DDX6: variants seen among roughly 807,000 people sequenced by gnomAD.
The protein encoded by DDX6 is DEAD-box helicase 6.
In DDX6, 7 loss-of-function variants were observed where a neutral mutation model predicts 60.6. That is an observed-to-expected ratio of 0.12 (90% CI 0.07 to 0.22). The LOEUF is 0.22. Among genes scored for constraint, DDX6 ranks in the 10% least tolerant of loss-of-function variants. The probability of loss-of-function intolerance (pLI) is 1.00; values close to 1 mark genes in which losing one functional copy is unlikely to be tolerated. For synonymous variants in DDX6, 207 were observed against 201.0 expected, an observed-to-expected ratio of 1.03 and a Z score of -0.25; for missense variants, 270 against 589.9, an observed-to-expected ratio of 0.46 and a Z score of 5.62.
intron 3 of DDX6, 59 bp downstream of exon 3, chr11:118,781,062 G>A: frequency 2.5e-6 from 3 of 1,182,584 alleles, no homozygotes; most frequent in Non-Finnish European, 3.7e-6. Flanking sequence ...CCGAGGGACA[G>A]CTATACCTCA....
At chr11:118,765,028 A>T (rs1003704107) in intron 6 of DDX6, among the ~76,000 whole-genome samples, 181 bp downstream of exon 6, 19 of 152,162 alleles carry the variant, frequency 1.2e-4, no homozygotes, top group African/African-American at 4.3e-4. Context: ...TTACTAATAA[A>T]GTCAAATATC....
At chr11:118,759,012 G>A in intron 8 of DDX6, 110 bp from the exon 9 acceptor site, 1 of 1,389,982 alleles carries the variant, frequency 7.2e-7, no homozygotes, top group Non-Finnish European at 9.8e-7. Context: ...CTTGCTGTAA[G>A]GGACGCAACT....
rs201178025 is a variant in DDX6 at position 118,776,000 on chromosome 11, AACC to A, written c.369+3629_369+3631del. 4.9e-3 allele frequency among the ~76,000 whole-genome samples: 748 copies of A among 152,154 alleles called. 8 individuals are homozygous for A. Among genetic ancestry groups the A allele is most frequent in the Middle Eastern group, 0.027 (8 of 294 alleles). On this transcript the variant is annotated intron_variant, in intron 4 of 13. Transcript: ENST00000534980. ...AAAAACAAAAACAAAAACAAAAAACAACCAGGTGTGCTGGTACTACACTATCAT... is the reference window on the plus strand; with the variant it reads ...AAAAACAAAAACAAAAACAAAAAACAAGGTGTGCTGGTACTACACTATCAT...
Position 118,763,770 on chromosome 11 carries a change from G to A in DDX6, c.647-464C>T, listed in dbSNP as rs546361310. 3.1e-4 allele frequency among the ~76,000 whole-genome samples: 46 copies of A among 148,706 alleles called. 1 individual carries two copies. The South Asian group carries it at 9.4e-3, about 30-fold the overall frequency. Reference sequence around the variant, plus strand: ...AATCGCTTGAACCCAGGAGGCAGACGTTGCAGTGAGCCGAGATCACACCAC... The same window carrying A: ...AATCGCTTGAACCCAGGAGGCAGACATTGCAGTGAGCCGAGATCACACCAC... On this transcript the variant is annotated intron_variant, in intron 6 of 13. Transcript: ENST00000534980.
rs1555156627 is a variant in DDX6 at position 118,749,355 on chromosome 11, AAAG to A, written c.*2747_*2749del. 3.6e-4 allele frequency: 39 copies of A among 108,626 alleles called. No homozygotes were observed. The East Asian group carries it at 8.6e-3, about 24-fold the overall frequency. 6.7% of individuals were successfully genotyped at this position (108,626 alleles called of 1,614,324 possible). A position where few individuals can be genotyped will look rare whatever the true frequency, so the allele number is the denominator to read the frequency against. ...TGCTTATTATGAGGGCCCAAAAAAG[AAAG>A]AAAAAAAAAAAAAAAAAAAAAAAGA... On this transcript the variant is annotated 3_prime_UTR_variant, in exon 14 of 14. Transcript: ENST00000534980.
Position 118,756,330 on chromosome 11 carries a change from G to A in DDX6, c.1111-7C>T, listed in dbSNP as rs782354421. On this transcript the variant is annotated splice_region_variant and splice_polypyrimidine_tract_variant and intron_variant, in intron 10 of 13. Coordinates refer to ENST00000534980, the MANE Select transcript of DDX6 (RefSeq NM_004397.6). The stretch of plus-strand genomic sequence containing the variant: ...ATACACGATTTCGATGTTCCTAGGA[G>A]AAAGCAATGTATTCCATTTGATTAA... 18 of 1,610,864 alleles carry A rather than the reference G, an allele frequency of 1.1e-5. No individual in the cohort carries two copies. Among genetic ancestry groups the A allele is most frequent in the Non-Finnish European group, 1.5e-5 (18 of 1,177,272 alleles).
At chr11:118,762,017 G>A (rs950495124) in intron 7 of DDX6, among the ~76,000 whole-genome samples, 1 of 152,142 alleles carries the variant, frequency 6.6e-6, no homozygotes, top group Non-Finnish European at 1.5e-5. Flanking sequence ...GCTCATGCCT[G>A]TAATCCCAGC....
At chr11:118,754,644 AAAG>A (rs1311652525) in intron 13 of DDX6, 58 bp downstream of exon 13, 23 of 1,468,994 alleles carry the variant, frequency 1.6e-5, no homozygotes, top group South Asian at 4.1e-5. Flanking sequence ...TTCCCCCAGG[AAAG>A]AAGATTTTGA....
At chr11:118,754,983 A>G in intron 12 of DDX6, 96 bp from the exon 13 acceptor site, 5 of 1,075,062 alleles carry the variant, frequency 4.7e-6, no homozygotes, top group Non-Finnish European at 6.5e-6. Flanking sequence ...CAGGATTGAT[A>G]ATGATGTTCA....
At chr11:118,768,464 T>C (rs1861428212) in intron 4 of DDX6, 112 bp from the exon 5 acceptor site, 1 of 1,110,268 alleles carries the variant, frequency 9.0e-7, no homozygotes, top group Admixed American at 2.3e-5. Context: ...GTGTCCTAAG[T>C]ATCCTACATT....
At chr11:118,754,980 G>A in intron 12 of DDX6, 93 bp from the exon 13 acceptor site, 1 of 1,094,526 alleles carries the variant, frequency 9.1e-7, no homozygotes, top group Non-Finnish European at 1.3e-6. Context: ...ACACAGGATT[G>A]ATAATGATGT....
chr11:118,761,595 C>T (rs1471645747), intron 7 of DDX6, among the ~76,000 whole-genome samples: 1 of 151,390 alleles, frequency 6.6e-6, no homozygotes, highest in Non-Finnish European at 1.5e-5. Context: ...CCAAGCGGGG[C>T]AACGAGACTC....
At chr11:118,768,184 C>G in intron 5 of DDX6, 39 bp downstream of exon 5, 1 of 1,593,576 alleles carries the variant, frequency 6.3e-7, no homozygotes, top group African/African-American at 1.3e-5. Flanking sequence ...GGCTGAAACT[C>G]CCATTTTTAG....
rs145319721 is a variant in DDX6 at position 118,749,029 on chromosome 11, G to A, written c.*3076C>T. The A allele has an allele frequency of 5.7e-4, 87 of 152,272 alleles. No homozygotes were observed. The highest frequency in any genetic ancestry group is 3.3e-3 in the Admixed American group (51 of 15,276). The allele number at this position is 152,272 out of a possible 1,614,324, so 9.4% of individuals were successfully genotyped here. A position where few individuals can be genotyped will look rare whatever the true frequency, so the allele number is the denominator to read the frequency against. On this transcript the variant is annotated 3_prime_UTR_variant, in exon 14 of 14. Coordinates refer to ENST00000534980, the MANE Select transcript of DDX6 (RefSeq NM_004397.6). ...AGGTTTCCCTCTCTCTTACTTCTGT[G>A]AAAGATCATTTTAGAATAAATGTAT... is the stretch of plus-strand genomic sequence containing the variant.
chr11:118,785,373 A>AT (rs922265772), intron 2 of DDX6, among the ~76,000 whole-genome samples: 21 of 150,002 alleles, frequency 1.4e-4, no homozygotes, highest in Middle Eastern at 3.4e-3. Context: ...AAAATTAAAA[A>AT]TTTTTTTTTT....
intron 5 of DDX6, chr11:118,767,834 T>A (rs1306533061): frequency 6.4e-6 from 1 of 155,558 alleles, no homozygotes; most frequent in African/African-American, 2.4e-5. Context: ...GGTTTCGCAA[T>A]GTTGGCCAGG....
At chr11:118,781,001 G>A in intron 3 of DDX6, 120 bp downstream of exon 3, 1 of 634,438 alleles carries the variant, frequency 1.6e-6, no homozygotes, top group Non-Finnish European at 2.9e-6. Flanking sequence ...CTGGGTTGGA[G>A]GAGGAGGGTG....
intron 13 of DDX6, among the ~76,000 whole-genome samples, chr11:118,752,681 T>C (rs1235784454): frequency 6.6e-5 from 10 of 152,170 alleles, no homozygotes; most frequent in Non-Finnish European, 1.3e-4. Flanking sequence ...CACCTATAAC[T>C]TGGAAACTAT....
chr11:118,778,604 T>C (rs572137707), intron 4 of DDX6, among the ~76,000 whole-genome samples: 5 of 152,168 alleles, frequency 3.3e-5, no homozygotes, highest in Admixed American at 2.6e-4. Context: ...CATAGTATTA[T>C]TGTATTTGTA....
Sources: allele counts gnomAD v4.1 joint callset (sites outside exome capture counted in the v4.1 genomes callset), GRCh38; gene constraint gnomAD v4.1.1; transcripts MANE v1.5; gene names NCBI Gene and HGNC (gene_info 2026-07-23, HGNC 2026-07-21).